Variants in OR56A1 observed in about 807,000 individuals in gnomAD.
OR56A1 encodes the protein olfactory receptor 56A1.
For missense variants in OR56A1, 360 were observed against 380.9 expected (o/e 0.94, Z 0.46); for synonymous variants, 174 against 159.1 (o/e 1.09, Z -0.70).
At position 6,025,777 on chromosome 11, in the gene OR56A1, C is replaced by A. The variant is rs891215115; in HGVS notation, c.*971G>T. 1.3e-5 allele frequency: 2 copies of A among 152,222 alleles called. No homozygotes were observed. The highest frequency in any genetic ancestry group is 1.3e-4 in the Admixed American group (2 of 15,284). 9.4% of individuals were successfully genotyped at this position (152,222 alleles called of 1,614,324 possible). On this transcript the variant is annotated 3_prime_UTR_variant, in exon 2 of 2. Coordinates refer to ENST00000641900, the MANE Select transcript of OR56A1 (RefSeq NM_001388488.1). ...AAGTGGAGGTTTCTTCCCATAGATA[C>A]TGTTTATCTGTTACTTGAACCTCCT...
At position 6,021,079 on chromosome 11, in the gene OR56A1, G is replaced by A. The variant is rs923723514; in HGVS notation, c.*5669C>T. On this transcript the variant is annotated 3_prime_UTR_variant, in exon 2 of 2. Coordinates refer to ENST00000641900, the MANE Select transcript of OR56A1 (RefSeq NM_001388488.1). The stretch of plus-strand genomic sequence containing the variant: ...CATTAAGTAGAAAAAGAGTGGCATG[G>A]AGAAAGGGAGAAGACAATATAGAAA... 5.3e-5 allele frequency: 8 copies of A among 152,054 alleles called. No individual in the cohort carries two copies. Among genetic ancestry groups the A allele is most frequent in the African/African-American group, 1.9e-4 (8 of 41,410 alleles). 9.4% of individuals were successfully genotyped at this position (152,054 alleles called of 1,614,324 possible).
rs1848426771 is a variant in OR56A1, at chr11:6,024,406, T to C, written c.*2342A>G. On this transcript the variant is annotated 3_prime_UTR_variant, in exon 2 of 2. Coordinates refer to ENST00000641900, the MANE Select transcript of OR56A1 (RefSeq NM_001388488.1). ...GGTTCGGGAATTAAGATCTGAGTTT[T>C]GGCCAAATAACATAGACTCCTCTTT... 1 of 152,216 alleles carries C rather than the reference T, an allele frequency of 6.6e-6. No homozygotes were observed. The allele number at this position is 152,216 out of a possible 1,614,324, so 9.4% of individuals were successfully genotyped here.
At position 6,022,815 on chromosome 11, in the gene OR56A1, T is replaced by C. The variant is rs755760492; in HGVS notation, c.*3933A>G. 1 of 152,188 alleles carries C rather than the reference T, an allele frequency of 6.6e-6. No homozygotes were observed. The highest frequency in any genetic ancestry group is 2.4e-5 in the African/African-American group (1 of 41,434). The allele number at this position is 152,188 out of a possible 1,614,324, so 9.4% of individuals were successfully genotyped here. Reference sequence around the variant, plus strand: ...TGCTAATCACACGTAAAGAACTCAATAACTAATTTTTGGTTGAATAGGTGC... The same window carrying C: ...TGCTAATCACACGTAAAGAACTCAACAACTAATTTTTGGTTGAATAGGTGC... On this transcript the variant is annotated 3_prime_UTR_variant, in exon 2 of 2. Transcript: ENST00000641900.
Position 6,019,592 on chromosome 11 carries a change from T to C in OR56A1, c.*7156A>G, listed in dbSNP as rs945232543. ...GAGAGGAGCTTGTGCAGGGAAACTC[T>C]AGTTTTTTTAAACCATCAGATCTTA... On this transcript the variant is annotated 3_prime_UTR_variant, in exon 2 of 2. Coordinates refer to ENST00000641900, the MANE Select transcript of OR56A1 (RefSeq NM_001388488.1). 1 of 152,114 alleles carries C rather than the reference T, an allele frequency of 6.6e-6. No individual in the cohort carries two copies. Among genetic ancestry groups the C allele is most frequent in the African/African-American group, 2.4e-5 (1 of 41,420 alleles). 9.4% of individuals were successfully genotyped at this position (152,114 alleles called of 1,614,324 possible). A position where few individuals can be genotyped will look rare whatever the true frequency, so the allele number is the denominator to read the frequency against.
Position 6,025,312 on chromosome 11 carries a change from G to GAGTACTGTCATACAGTACT in OR56A1, c.*1435_*1436insAGTACTGTATGACAGTACT. ...TGCCGTCCATACTGTACTCTGTCAT[G>GAGTACTGTCATACAGTACT]CTGGCACTGGGAGTCAAACCCTTCT... On this transcript the variant is annotated 3_prime_UTR_variant, in exon 2 of 2. Coordinates refer to ENST00000641900, the MANE Select transcript of OR56A1 (RefSeq NM_001388488.1). 1.3e-5 allele frequency: 2 copies of GAGTACTGTCATACAGTACT among 152,172 alleles called. No homozygotes were observed. Among genetic ancestry groups the GAGTACTGTCATACAGTACT allele is most frequent in the Admixed American group, 6.5e-5 (1 of 15,272 alleles). 9.4% of individuals were successfully genotyped at this position (152,172 alleles called of 1,614,324 possible).
chr11:6,027,658 A>C lies in OR56A1; in HGVS notation c.35T>G (p.Val12Gly), dbSNP rs766923276. 5 of 1,605,566 alleles carry C rather than the reference A, an allele frequency of 3.1e-6. No homozygotes were observed. In the South Asian group the frequency reaches 5.6e-5, roughly 18 times the overall value. ...ASPSNSSTVP[V>G]SEFLLICFPN... ...GAAGCAGATGAGGAGGAATTCAGAG[A>C]CTGGGACAGTGGAGCTGTTGCTGGG... Residue 12 changes from valine (V) to glycine (G), a missense_variant, in exon 2 of 2, where the codon GTC becomes GGC. Physicochemically the swap from Val to Gly is moderately radical, Grantham distance 109. Transcript: ENST00000641900.
chr11:6,027,114 AT>A lies in OR56A1; in HGVS notation c.578del (p.Asp193ValfsTer33). 6.2e-7 allele frequency: 1 copy of A among 1,614,204 alleles called. No individual in the cohort carries two copies. On this transcript the variant is annotated frameshift_variant, in exon 2 of 2. Transcript: ENST00000641900. LOFTEE classifies it low-confidence loss of function (END_TRUNC). ...GGTAGATTCTGTTAAGGGTGAAATT[AT>A]CACAGGAGAGCCTGGACACAGACAA... ...ANLSVSRLSC[D>X]NFTLNRIYQF...
chr11:6,024,348 G>C lies in OR56A1; in HGVS notation c.*2400C>G, dbSNP rs1848426185. ...AGTTTGAGTCAAGCATCTCATAATTGTGTTGGCCATTTGCATTGATCTACA... is the reference window on the plus strand; with the variant it reads ...AGTTTGAGTCAAGCATCTCATAATTCTGTTGGCCATTTGCATTGATCTACA... On this transcript the variant is annotated 3_prime_UTR_variant, in exon 2 of 2. Coordinates refer to ENST00000641900, the MANE Select transcript of OR56A1 (RefSeq NM_001388488.1). 1 of 152,152 alleles carries C rather than the reference G, an allele frequency of 6.6e-6. No individual in the cohort carries two copies. The highest frequency in any genetic ancestry group is 2.4e-5 in the African/African-American group (1 of 41,426). The allele number at this position is 152,152 out of a possible 1,614,324, so 9.4% of individuals were successfully genotyped here. A position where few individuals can be genotyped will look rare whatever the true frequency, so the allele number is the denominator to read the frequency against.
upstream of OR56A1, among the ~76,000 whole-genome samples, chr11:6,032,276 G>A (rs1848519983): frequency 6.6e-6 from 1 of 152,140 alleles, no homozygotes; most frequent in African/African-American, 2.4e-5. Flanking sequence ...TATATGTTCA[G>A]GGAAAGAGTA....
At chr11:6,029,565 C>A (rs1191387189) in intron 1 of OR56A1, among the ~76,000 whole-genome samples, 1 of 152,132 alleles carries the variant, frequency 6.6e-6, no homozygotes, top group Non-Finnish European at 1.5e-5. Context: ...CAGAAATCAC[C>A]TACAGCTTCC....
At position 6,022,633 on chromosome 11, in the gene OR56A1, C is replaced by G. The variant is rs1318007296; in HGVS notation, c.*4115G>C. 3 of 152,100 alleles carry G rather than the reference C, an allele frequency of 2.0e-5. No individual in the cohort carries two copies. The highest frequency in any genetic ancestry group is 2.9e-5 in the Non-Finnish European group (2 of 68,004). The allele number at this position is 152,100 out of a possible 1,614,324, so 9.4% of individuals were successfully genotyped here. A position where few individuals can be genotyped will look rare whatever the true frequency, so the allele number is the denominator to read the frequency against. On this transcript the variant is annotated 3_prime_UTR_variant, in exon 2 of 2. Transcript: ENST00000641900. ...AAAATGGGTTTATGTAGCAAAATGC[C>G]TTACTTCTCAATTTTAACTCTGGTC... is the stretch of plus-strand genomic sequence containing the variant.
rs1280972675 is a variant in OR56A1, at chr11:6,022,226, A to G, written c.*4522T>C. 1.3e-5 allele frequency: 2 copies of G among 152,126 alleles called. No individual in the cohort carries two copies. The highest frequency in any genetic ancestry group is 3.9e-4 in the East Asian group (2 of 5,194). The allele number at this position is 152,126 out of a possible 1,614,324, so 9.4% of individuals were successfully genotyped here. On this transcript the variant is annotated 3_prime_UTR_variant, in exon 2 of 2. Transcript: ENST00000641900. ...GATGTGTCTCCTAGTTTGGGGCCCT[A>G]AAGCTTACAAAATCCTGCATATTCT...
upstream of OR56A1, among the ~76,000 whole-genome samples, chr11:6,032,075 G>T (rs1284594875): frequency 6.6e-6 from 1 of 152,108 alleles, no homozygotes; most frequent in Non-Finnish European, 1.5e-5. Flanking sequence ...ATTATAATAA[G>T]GGTGTGTCAT....
chr11:6,033,904 T>C (rs1378562332), upstream of OR56A1, among the ~76,000 whole-genome samples: 1 of 152,166 alleles, frequency 6.6e-6, no homozygotes, highest in Admixed American at 6.5e-5. Flanking sequence ...AATACTTTCT[T>C]TGAACCCATG....
At position 6,027,669 on chromosome 11, in the gene OR56A1, G is replaced by A; in HGVS notation, c.24C>T (p.Ser8=). 6.3e-7 allele frequency: 1 copy of A among 1,599,348 alleles called. No individual in the cohort carries two copies. The highest frequency in any genetic ancestry group is 1.1e-5 in the South Asian group (1 of 87,342). Residue 8 remains serine (S), a synonymous_variant, in exon 2 of 2, where the codon TCC becomes TCT. Transcript: ENST00000641900. ...GGAGGAATTCAGAGACTGGGACAGT[G>A]GAGCTGTTGCTGGGTGACGCCATAG... MASPSNS[S]TVPVSEFLLI... is the part of the protein sequence containing the mutation.
Position 6,025,987 on chromosome 11 carries a change from A to G in OR56A1, c.*761T>C, listed in dbSNP as rs1848443238. ...CAGTCAACAGATCAAGTAAGACTTG[A>G]TATTCAGTTCACTGAATGTGTAGCT... On this transcript the variant is annotated 3_prime_UTR_variant, in exon 2 of 2. Transcript: ENST00000641900. 6.6e-6 allele frequency: 1 copy of G among 152,208 alleles called. No individual in the cohort carries two copies. Among genetic ancestry groups the G allele is most frequent in the South Asian group, 2.1e-4 (1 of 4,836 alleles). 9.4% of individuals were successfully genotyped at this position (152,208 alleles called of 1,614,324 possible). A position where few individuals can be genotyped will look rare whatever the true frequency, so the allele number is the denominator to read the frequency against.
chr11:6,027,837 A>G (rs916532664), intron 1 of OR56A1, 111 bp from the exon 2 acceptor site: 4 of 681,530 alleles, frequency 5.9e-6, no homozygotes, highest in Non-Finnish European at 1.0e-5. Flanking sequence ...TTGCCAAGTA[A>G]GGCAAATTTC....
At position 6,020,057 on chromosome 11, in the gene OR56A1, T is replaced by A. The variant is rs1266981628; in HGVS notation, c.*6691A>T. 6.6e-6 allele frequency: 1 copy of A among 152,094 alleles called. No individual in the cohort carries two copies. Among genetic ancestry groups the A allele is most frequent in the Non-Finnish European group, 1.5e-5 (1 of 67,974 alleles). The allele number at this position is 152,094 out of a possible 1,614,324, so 9.4% of individuals were successfully genotyped here. On this transcript the variant is annotated 3_prime_UTR_variant, in exon 2 of 2. Coordinates refer to ENST00000641900, the MANE Select transcript of OR56A1 (RefSeq NM_001388488.1). The stretch of plus-strand genomic sequence containing the variant: ...ACTTTTTCAGAAAATGTATCAAGGT[T>A]TATTTTTTCCAAGAGTATTGACTCA...
chr11:6,027,325 T>C lies in OR56A1; in HGVS notation c.368A>G (p.Tyr123Cys). ...GTGGCAGATGGCCACATAACGGTCA[T>C]AGGCCATGACCATAAACGTGCAGGA... ...MESCTFMVMA[Y>C]DRYVAICHPL... The change falls in exon 2 of 2, where the codon TAT becomes TGT. Residue 123 changes from tyrosine (Y) to cysteine (C), a missense_variant. Transcript: ENST00000641900. The C allele has an allele frequency of 6.2e-7, 1 of 1,614,230 alleles. No individual in the cohort carries two copies. The highest frequency in any genetic ancestry group is 8.5e-7 in the Non-Finnish European group (1 of 1,180,046).
Sources: gnomAD v4.1 joint callset for allele counts (sites outside exome capture counted in the v4.1 genomes callset) on GRCh38, gnomAD v4.1.1 for gene constraint, MANE v1.5 for transcripts, NCBI Gene and HGNC (gene_info 2026-07-23, HGNC 2026-07-21) for gene names.